PTDSS1: variants seen among roughly 807,000 people sequenced by gnomAD.
The protein encoded by PTDSS1 is PSS-1.
Under a neutral mutation model 70.5 loss-of-function variants are expected in PTDSS1, and 45 were observed. The observed-to-expected ratio is 0.64, with a 90% confidence interval of 0.50 to 0.82. PTDSS1 has a LOEUF of 0.82. Ranked by LOEUF, PTDSS1 falls within the 40% of genes least tolerant of loss-of-function variation. PTDSS1 has a pLI of 0.00. For synonymous variants in PTDSS1, 188 were observed against 203.8 expected, an observed-to-expected ratio of 0.92 and a Z score of 0.66; for missense variants, 417 against 586.1, an observed-to-expected ratio of 0.71 and a Z score of 2.98.
intron 1 of PTDSS1, among the ~76,000 whole-genome samples, chr8:96,273,061 G>C (rs562452344): frequency 4.0e-4 from 61 of 152,240 alleles, no homozygotes; most frequent in African/African-American, 1.5e-3. Context: ...TATATAGTCT[G>C]GTTTTATAAT....
intron 2 of PTDSS1, among the ~76,000 whole-genome samples, chr8:96,275,305 A>G (rs529104535): frequency 1.3e-5 from 2 of 152,244 alleles, no homozygotes; most frequent in South Asian, 4.1e-4. Context: ...GCAGGGATAC[A>G]TCACCACACC....
chr8:96,272,312 A>T (rs1586181868), intron 1 of PTDSS1, among the ~76,000 whole-genome samples: 2 of 152,016 alleles, frequency 1.3e-5, no homozygotes, highest in East Asian at 3.9e-4. Flanking sequence ...AAATTTTTTG[A>T]ATCTTTAATT....
Position 96,262,691 on chromosome 8 carries a change from C to T in PTDSS1, c.179+472C>T, listed in dbSNP as rs549326473. ...CACCATACACAGGCCCAGGACACAA[C>T]CTAGATCCCTTCCTGTGGAACTCCG... is the stretch of plus-strand genomic sequence containing the variant. On this transcript the variant is annotated intron_variant, in intron 1 of 12. Transcript: ENST00000517309. This position sits in a 1 kb window ranked among gnomAD's most constrained non-coding sequence, Gnocchi z 4.4. Among the ~76,000 whole-genome samples, 6 of 152,312 alleles carry T rather than the reference C, an allele frequency of 3.9e-5. No individual in the cohort carries two copies. Among genetic ancestry groups the T allele is most frequent in the African/African-American group, 1.4e-4 (6 of 41,552 alleles).
At chr8:96,310,967 T>C (rs1811203747) in intron 9 of PTDSS1, among the ~76,000 whole-genome samples, 2 of 152,128 alleles carry the variant, frequency 1.3e-5, no homozygotes, top group Non-Finnish European at 2.9e-5. Flanking sequence ...GGTTTCACCA[T>C]GTTGGCCAGG....
chr8:96,262,262 G>A lies in PTDSS1; in HGVS notation c.179+43G>A, dbSNP rs1293139383. 1.3e-6 allele frequency: 2 copies of A among 1,542,568 alleles called. No homozygotes were observed. The highest frequency in any genetic ancestry group is 2.4e-5 in the East Asian group (1 of 42,172). On this transcript the variant is annotated intron_variant, in intron 1 of 12. Coordinates refer to ENST00000517309, the MANE Select transcript of PTDSS1 (RefSeq NM_014754.3). This position sits in a 1 kb window ranked among gnomAD's most constrained non-coding sequence, Gnocchi z 4.4. ...AGCGGGGGGCGCGTCCAAGGGCTAG[G>A]GAAGAGGCGGGAGGGAGGGTGGCGG...
At chr8:96,323,592 T>G (rs1811401022) in intron 10 of PTDSS1, among the ~76,000 whole-genome samples, 1 of 151,998 alleles carries the variant, frequency 6.6e-6, no homozygotes, top group African/African-American at 2.4e-5. Context: ...GGGAGTAGAG[T>G]CCCTAGGTAG....
chr8:96,266,436 G>A (rs1357505633), intron 1 of PTDSS1, among the ~76,000 whole-genome samples: 3 of 152,132 alleles, frequency 2.0e-5, no homozygotes, highest in African/African-American at 7.2e-5. Context: ...ATTGGCTTTG[G>A]AACTCCAGTT....
intron 2 of PTDSS1, among the ~76,000 whole-genome samples, chr8:96,281,596 A>G (rs530155241): frequency 1.7e-4 from 26 of 152,030 alleles, no homozygotes; most frequent in Non-Finnish European, 2.9e-4. Context: ...AGCCTGCGCC[A>G]TGCCTTTCCC....
intron 10 of PTDSS1, among the ~76,000 whole-genome samples, chr8:96,326,797 A>G (rs1811444820): frequency 6.6e-6 from 1 of 152,116 alleles, no homozygotes; most frequent in African/African-American, 2.4e-5. Flanking sequence ...GGTTGGGGGG[A>G]AGAAGTACAG....
chr8:96,299,971 C>A, intron 6 of PTDSS1, 126 bp downstream of exon 6: 1 of 1,200,780 alleles, frequency 8.3e-7, no homozygotes, highest in Non-Finnish European at 1.1e-6. Context: ...ATAACTGAAA[C>A]TCATAAATGA....
intron 10 of PTDSS1, among the ~76,000 whole-genome samples, chr8:96,323,975 ATGCTTTGC>A (rs1321124273): frequency 1.3e-5 from 2 of 152,212 alleles, no homozygotes; most frequent in Non-Finnish European, 2.9e-5. Flanking sequence ...AGTAGCCCGA[ATGCTTTGC>A]TGCTTGGCTG....
At chr8:96,294,362 G>C (rs1308758864) in intron 4 of PTDSS1, among the ~76,000 whole-genome samples, 1 of 152,144 alleles carries the variant, frequency 6.6e-6, no homozygotes, top group East Asian at 1.9e-4. Flanking sequence ...GTGAAATGTA[G>C]AGATTCCCAG....
rs1438914249 is a variant in PTDSS1, at chr8:96,309,479, T to C, written c.1008-78T>C. ...GGGACAAGGAGGGACGTTTTTTACT[T>C]TGTCAAAGTGATTTAATTATGTGCT... On this transcript the variant is annotated intron_variant, in intron 8 of 12. Transcript: ENST00000517309. The C allele has an allele frequency of 3.6e-6, 5 of 1,382,170 alleles. No individual in the cohort carries two copies. In the East Asian group the frequency reaches 1.2e-4, roughly 32 times the overall value. The allele number at this position is 1,382,170 out of a possible 1,614,324, so 85.6% of individuals were successfully genotyped here. A position where few individuals can be genotyped will look rare whatever the true frequency, so the allele number is the denominator to read the frequency against.
chr8:96,321,352 AC>A (rs1358628379), intron 10 of PTDSS1, among the ~76,000 whole-genome samples: 1 of 152,234 alleles, frequency 6.6e-6, no homozygotes, highest in Non-Finnish European at 1.5e-5. Flanking sequence ...ATCATCAAAT[AC>A]CTAATCAGTG....
chr8:96,309,983 C>T (rs1041945484), intron 9 of PTDSS1, among the ~76,000 whole-genome samples: 18 of 151,784 alleles, frequency 1.2e-4, no homozygotes, highest in Admixed American at 3.9e-4. Context: ...GTCAACATGG[C>T]GAAACCCTGT....
chr8:96,330,186 G>A (rs983245268), intron 10 of PTDSS1, 27 bp from the exon 11 acceptor site: 44 of 1,592,118 alleles, frequency 2.8e-5, no homozygotes, highest in Non-Finnish European at 3.4e-5. Context: ...ACTTTTTTGT[G>A]CAGCATCATT....
intron 2 of PTDSS1, among the ~76,000 whole-genome samples, chr8:96,275,979 C>G (rs1364274141): frequency 6.6e-6 from 1 of 152,248 alleles, no homozygotes; most frequent in Non-Finnish European, 1.5e-5. Context: ...CATATGTCCT[C>G]AGGAAACTGA....
At chr8:96,314,897 A>G (rs1159939249) in intron 9 of PTDSS1, among the ~76,000 whole-genome samples, 1 of 152,076 alleles carries the variant, frequency 6.6e-6, no homozygotes, top group Non-Finnish European at 1.5e-5. Flanking sequence ...CGCCTGGCCT[A>G]CAAAGCTTTT....
chr8:96,301,398 C>T (rs1811048730), intron 6 of PTDSS1, among the ~76,000 whole-genome samples: 1 of 152,074 alleles, frequency 6.6e-6, no homozygotes, highest in African/African-American at 2.4e-5. Flanking sequence ...CCCAGCCTGT[C>T]ATCCCCTTTT....
Sources: allele counts gnomAD v4.1 joint callset (sites outside exome capture counted in the v4.1 genomes callset), GRCh38; gene constraint gnomAD v4.1.1; non-coding constraint Gnocchi (gnomAD v3.1); transcripts MANE v1.5; gene names NCBI Gene and HGNC (gene_info 2026-07-23, HGNC 2026-07-21).